CELF2: variants seen among roughly 807,000 people sequenced by gnomAD.
The protein encoded by CELF2 is CUG triplet repeat RNA-binding protein 2.
Under a neutral mutation model 62.6 loss-of-function variants are expected in CELF2, and 8 were observed. The observed-to-expected ratio is 0.13, with a 90% CI of 0.07 to 0.23. The LOEUF is 0.23. CELF2 is among the 10% of genes least tolerant of loss of function. CELF2 has a pLI of 1.00. For synonymous variants in CELF2, 258 were observed against 250.0 expected (o/e 1.03, Z -0.30); for missense variants, 333 against 671.0 (o/e 0.50, Z 5.56).
the CELF2 span, among the ~76,000 whole-genome samples, chr10:10,600,120 G>A: frequency 6.6e-6 from 1 of 152,156 alleles, no homozygotes; most frequent in African/African-American, 2.4e-5. Flanking sequence ...TAATAGGGTG[G>A]GAGCTAATGA....
chr10:11,309,648 GCC>G lies in CELF2; in HGVS notation c.977-4489_977-4488del. Among the ~76,000 whole-genome samples, 1 of 152,260 alleles carries G rather than the reference GCC, an allele frequency of 6.6e-6. No individual in the cohort carries two copies. Among genetic ancestry groups the G allele is most frequent in the Admixed American group, 6.5e-5 (1 of 15,294 alleles). ...CACAGTCTGCTCTGACTGTGGCTGG[GCC>G]CTTTCGTAGGGGTGCTCTTTCGGCC... On this transcript the variant is annotated intron_variant, in intron 9 of 12. Transcript: ENST00000633077. This position sits in a 1 kb window ranked among gnomAD's most constrained non-coding sequence, Gnocchi z 5.6.
intron 1 of CELF2, among the ~76,000 whole-genome samples, chr10:10,878,695 G>A (rs994950109): frequency 3.9e-5 from 6 of 152,282 alleles, no homozygotes; most frequent in South Asian, 2.1e-4. Flanking sequence ...ACAATACATC[G>A]CTACTTGTGG....
At position 11,318,962 on chromosome 10, in the gene CELF2, C is replaced by T; in HGVS notation, c.1097-2227C>T. On this transcript the variant is annotated intron_variant, in intron 10 of 12. Transcript: ENST00000633077. The surrounding 1 kb of genome is among the most constrained non-coding windows in gnomAD (Gnocchi z 5.4). ...TCATGGTGGTGCGATGCTGCCCACC[C>T]CTCCATGGGAACTTGGAGGCGTCCA... 2.1e-6 allele frequency: 1 copy of T among 471,172 alleles called. No individual in the cohort carries two copies. Among genetic ancestry groups the T allele is most frequent in the Non-Finnish European group, 4.4e-6 (1 of 227,052 alleles). 29.2% of individuals were successfully genotyped at this position (471,172 alleles called of 1,614,324 possible). A position where few individuals can be genotyped will look rare whatever the true frequency, so the allele number is the denominator to read the frequency against.
At chr10:10,722,706 A>G in the CELF2 span, among the ~76,000 whole-genome samples, 115 of 152,372 alleles carry the variant, frequency 7.5e-4, no homozygotes, top group East Asian at 0.018. Context: ...ATGAACCAGC[A>G]AAGACACTTG....
intron 1 of CELF2, among the ~76,000 whole-genome samples, chr10:10,892,757 G>T (rs1026523111): frequency 6.6e-6 from 1 of 152,192 alleles, no homozygotes; most frequent in African/African-American, 2.4e-5. Context: ...AAAACTGCCA[G>T]CCTTGCTCCT....
At chr10:10,805,575 T>C (rs2055135419) in intron 1 of CELF2, among the ~76,000 whole-genome samples, 1 of 152,148 alleles carries the variant, frequency 6.6e-6, no homozygotes, top group Non-Finnish European at 1.5e-5. Flanking sequence ...GGGATCACCC[T>C]AGGGATGTGG....
At chr10:11,054,996 TGCG>T (rs1271715572) in intron 1 of CELF2, among the ~76,000 whole-genome samples, 1 of 152,254 alleles carries the variant, frequency 6.6e-6, no homozygotes, top group Admixed American at 6.5e-5. Flanking sequence ...ATTACAGGCT[TGCG>T]CCACCGCACC....
intron 8 of CELF2, 109 bp from the exon 9 acceptor site, chr10:11,288,309 G>T: frequency 2.9e-6 from 4 of 1,392,196 alleles, no homozygotes; most frequent in East Asian, 2.3e-5. Context: ...CTTGCACAGG[G>T]TCGTCTGCTC....
chr10:11,293,753 G>T (rs182147449), intron 9 of CELF2, among the ~76,000 whole-genome samples: 1 of 152,046 alleles, frequency 6.6e-6, no homozygotes, highest in African/African-American at 2.4e-5. Context: ...ATTCCCCCTT[G>T]CATCTGGAGC....
At chr10:11,231,240 A>G (rs2068530419) in intron 3 of CELF2, among the ~76,000 whole-genome samples, 1 of 152,222 alleles carries the variant, frequency 6.6e-6, no homozygotes, top group African/African-American at 2.4e-5. Flanking sequence ...TATTGTAGCT[A>G]CAACAAACAT....
In CELF2 at chr10:11,334,049, G is replaced by A. The variant is rs1357406359; in HGVS notation, c.*4996G>A. ...TTGGCTTGATTTCTTTTTTCCCTTT[G>A]CTTATATCTAGCATTAGAATTTTGT... On this transcript the variant is annotated 3_prime_UTR_variant, in exon 13 of 13. Transcript: ENST00000633077. 1 of 152,310 alleles carries A rather than the reference G, an allele frequency of 6.6e-6. No homozygotes were observed. The highest frequency in any genetic ancestry group is 1.5e-5 in the Non-Finnish European group (1 of 67,958). The allele number at this position is 152,310 out of a possible 1,614,324, so 9.4% of individuals were successfully genotyped here. A position where few individuals can be genotyped will look rare whatever the true frequency, so the allele number is the denominator to read the frequency against.
At chr10:10,939,719 C>T (rs957188951) in intron 2 of CELF2, among the ~76,000 whole-genome samples, 2 of 151,954 alleles carry the variant, frequency 1.3e-5, no homozygotes, top group African/African-American at 2.4e-5. Flanking sequence ...CTTTGGGAGG[C>T]CGAGGCGGAC....
In CELF2 at chr10:11,269,003, A is replaced by G. The variant is rs752263484; in HGVS notation, c.619-1663A>G. On this transcript the variant is annotated intron_variant, in intron 6 of 12. Transcript: ENST00000633077. The surrounding 1 kb of genome is among the most constrained non-coding windows in gnomAD (Gnocchi z 4.4). Reference sequence around the variant, plus strand: ...ATCATTGGCCTAATTTTCTGCTTTTATATCATTTTTACTATTTAAGGAAGA... The same window carrying G: ...ATCATTGGCCTAATTTTCTGCTTTTGTATCATTTTTACTATTTAAGGAAGA... 1.3e-5 allele frequency among the ~76,000 whole-genome samples: 2 copies of G among 152,186 alleles called. No homozygotes were observed. The highest frequency in any genetic ancestry group is 2.9e-5 in the Non-Finnish European group (2 of 68,030).
intron 1 of CELF2, among the ~76,000 whole-genome samples, chr10:10,814,298 C>A (rs2056237558): frequency 6.8e-6 from 1 of 147,960 alleles, no homozygotes; most frequent in Non-Finnish European, 1.5e-5. Flanking sequence ...TCATTTATTG[C>A]CCAAAAGAGC....
chr10:11,063,233 C>T (rs1374609106), intron 1 of CELF2, among the ~76,000 whole-genome samples: 1 of 152,098 alleles, frequency 6.6e-6, no homozygotes, highest in African/African-American at 2.4e-5. Context: ...CCTGCTGTAT[C>T]CTCAAGGTAT....
intron 1 of CELF2, among the ~76,000 whole-genome samples, chr10:10,854,452 C>A (rs1340510502): frequency 1.3e-5 from 2 of 152,162 alleles, no homozygotes; most frequent in Non-Finnish European, 2.9e-5. Context: ...TTATAGGCAT[C>A]CTTCAGCTCA....
intron 1 of CELF2, among the ~76,000 whole-genome samples, chr10:11,120,124 G>A (rs1366462039): frequency 6.6e-6 from 1 of 152,128 alleles, no homozygotes; most frequent in Non-Finnish European, 1.5e-5. Flanking sequence ...CTTTGAGCAT[G>A]TCGTGTGTGT....
the CELF2 span, among the ~76,000 whole-genome samples, chr10:10,782,719 G>A: frequency 1.3e-5 from 2 of 152,272 alleles, no homozygotes; most frequent in South Asian, 4.1e-4. Context: ...ACTTTCTGAA[G>A]GAGGATTTAT....
intron 1 of CELF2, among the ~76,000 whole-genome samples, chr10:11,047,873 C>A (rs1267058391): frequency 1.3e-5 from 2 of 152,160 alleles, no homozygotes; most frequent in South Asian, 4.1e-4. Context: ...TTGCCACATG[C>A]ACTTCTAGAG....
Sources: allele counts gnomAD v4.1 joint callset (sites outside exome capture counted in the v4.1 genomes callset), GRCh38; gene constraint gnomAD v4.1.1; non-coding constraint Gnocchi (gnomAD v3.1); transcripts MANE v1.5; gene names NCBI Gene and HGNC (gene_info 2026-07-23, HGNC 2026-07-21).